The following TTC13 variants were observed in gnomAD, a reference collection of about 807,000 sequenced individuals.
TTC13 encodes the protein tetratricopeptide repeat protein 13.
TTC13 carries 62 observed loss-of-function variants against 120.0 expected under a neutral mutation model. The observed-to-expected ratio is 0.52, with a 90% CI of 0.42 to 0.64. The LOEUF (loss-of-function observed/expected upper bound fraction) is 0.64. Ranked by LOEUF, TTC13 falls within the 30% of genes least tolerant of loss-of-function variation. The pLI is 0.00. For synonymous variants in TTC13, 384 were observed against 393.5 expected (o/e 0.98, Z 0.28); for missense variants, 824 against 1,050.2 (o/e 0.78, Z 2.98).
chr1:230,944,120 A>G lies in TTC13; in HGVS notation c.580-222T>C, dbSNP rs139429971. Among the ~76,000 whole-genome samples the G allele has an allele frequency of 3.8e-4, 58 of 152,336 alleles. No individual in the cohort carries two copies. The highest frequency in any genetic ancestry group is 1.3e-3 in the African/African-American group (55 of 41,574). ...TACTTACTCAACAATAACATGTTAG[A>G]CCCGGCTACCTATCACAAATTCCAC... On this transcript the variant is annotated intron_variant, in intron 5 of 22. Transcript: ENST00000366661. The surrounding 1 kb of genome is among the most constrained non-coding windows in gnomAD (Gnocchi z 4.0).
intron 1 of TTC13, among the ~76,000 whole-genome samples, chr1:230,969,618 TAATTA>T (rs1677516759): frequency 6.6e-6 from 1 of 152,170 alleles, no homozygotes; most frequent in Admixed American, 6.5e-5. Flanking sequence ...ACTTCAAACT[TAATTA>T]ATTAGTTTGA....
At chr1:230,971,361 A>AG (rs1305755374) in intron 1 of TTC13, among the ~76,000 whole-genome samples, 2 of 151,132 alleles carry the variant, frequency 1.3e-5, no homozygotes, top group African/African-American at 4.9e-5. Context: ...AAAAAAAAAA[A>AG]AAAAAGACAA....
chr1:230,937,485 T>C (rs1172121985), intron 8 of TTC13, among the ~76,000 whole-genome samples: 3 of 152,198 alleles, frequency 2.0e-5, no homozygotes, highest in Non-Finnish European at 2.9e-5. Context: ...AGAGGGCAGA[T>C]ACAAAATAAA....
In TTC13 at chr1:230,906,525, TATCCAGA is replaced by T. The variant is rs1241719336; in HGVS notation, c.*373_*379del. 2.0e-3 allele frequency: 302 copies of T among 153,318 alleles called. 3 individuals are homozygous for T. The highest frequency in any genetic ancestry group is 6.8e-3 in the African/African-American group (284 of 41,596). The allele number at this position is 153,318 out of a possible 1,614,324, so 9.5% of individuals were successfully genotyped here. A position where few individuals can be genotyped will look rare whatever the true frequency, so the allele number is the denominator to read the frequency against. On this transcript the variant is annotated 3_prime_UTR_variant, in exon 23 of 23. Transcript: ENST00000366661. ...GCGTAAAAAGCAAGTCTTTGAAAAATATCCAGATCTCTAAAGGAATACAAACACTCCT... is the reference window on the plus strand; with the variant it reads ...GCGTAAAAAGCAAGTCTTTGAAAAATTCTCTAAAGGAATACAAACACTCCT...
chr1:230,948,808 A>G (rs1675257497), intron 4 of TTC13, among the ~76,000 whole-genome samples: 1 of 152,008 alleles, frequency 6.6e-6, no homozygotes, highest in Admixed American at 6.6e-5. Flanking sequence ...TACCCTAGAA[A>G]TCAGAATCAT....
intron 3 of TTC13, among the ~76,000 whole-genome samples, chr1:230,955,579 G>C (rs1254249323): frequency 1.3e-5 from 2 of 149,854 alleles, no homozygotes; most frequent in East Asian, 2.0e-4. Flanking sequence ...GCTGAGGCAG[G>C]AGAATGGCAT....
intron 4 of TTC13, among the ~76,000 whole-genome samples, chr1:230,947,848 G>C (rs530390964): frequency 6.6e-6 from 1 of 152,110 alleles, no homozygotes; most frequent in African/African-American, 2.4e-5. Context: ...TGGCATCCCC[G>C]CACACCCGTG....
rs1673304084 is a variant in TTC13 at position 230,929,109 on chromosome 1, G to T, written c.1301-16C>A. 5.0e-6 allele frequency: 8 copies of T among 1,612,220 alleles called. No individual in the cohort carries two copies. In the South Asian group the frequency reaches 8.8e-5, roughly 18 times the overall value. On this transcript the variant is annotated splice_polypyrimidine_tract_variant and intron_variant, in intron 11 of 22. Coordinates refer to ENST00000366661, the MANE Select transcript of TTC13 (RefSeq NM_024525.5). ...CGAGAATACTCTGCAGAAAGGAAAT[G>T]AGATCTGACACATCCAAATACTGCT...
intron 14 of TTC13, 53 bp downstream of exon 14, chr1:230,924,788 G>T: frequency 6.2e-7 from 1 of 1,604,928 alleles, no homozygotes; most frequent in Non-Finnish European, 8.5e-7. Context: ...ACAGACTGAC[G>T]TTATTTGACA....
At chr1:230,945,358 G>A (rs368938634) in intron 5 of TTC13, 31 bp downstream of exon 5, 188 of 1,597,358 alleles carry the variant, frequency 1.2e-4, no homozygotes, top group Non-Finnish European at 1.5e-4. Context: ...TCATGTAGGC[G>A]CTATGGCAAT....
At chr1:230,956,440 A>C in intron 3 of TTC13, 1 of 221,776 alleles carries the variant, frequency 4.5e-6, no homozygotes, top group East Asian at 1.4e-4. Context: ...GATCGTGGGG[A>C]CCTCAGTCAC....
intron 14 of TTC13, among the ~76,000 whole-genome samples, chr1:230,924,276 G>C (rs1376394192): frequency 6.6e-6 from 1 of 152,234 alleles, no homozygotes; most frequent in East Asian, 1.9e-4. Context: ...CTTTCAAAGA[G>C]ACTGTTTCTA....
At chr1:230,973,227 A>T (rs1677940545) in intron 1 of TTC13, among the ~76,000 whole-genome samples, 1 of 152,178 alleles carries the variant, frequency 6.6e-6, no homozygotes, top group Non-Finnish European at 1.5e-5. Context: ...CCTTCTATTG[A>T]TTCTCTACCA....
At chr1:230,959,661 G>A (rs111853669) in intron 2 of TTC13, among the ~76,000 whole-genome samples, 6,536 of 152,290 alleles carry the variant, frequency 0.043, 195 homozygotes, top group Non-Finnish European at 0.065. Context: ...GATTACAGGC[G>A]TGAGCCACTG....
At chr1:230,909,486 T>G (rs1671271563) in intron 20 of TTC13, among the ~76,000 whole-genome samples, 1 of 152,098 alleles carries the variant, frequency 6.6e-6, no homozygotes, top group Non-Finnish European at 1.5e-5. Context: ...CAAAAAATTA[T>G]CCAGGAGTGG....
At chr1:230,926,793 G>A (rs1017566425) in intron 12 of TTC13, among the ~76,000 whole-genome samples, 14 of 152,104 alleles carry the variant, frequency 9.2e-5, no homozygotes, top group East Asian at 3.9e-4. Context: ...TAGAAAACAC[G>A]AAGTCAAATT....
chr1:230,947,642 T>C (rs1443498452), intron 4 of TTC13, among the ~76,000 whole-genome samples: 1 of 152,158 alleles, frequency 6.6e-6, no homozygotes, highest in African/African-American at 2.4e-5. Context: ...CTGGGCTGCA[T>C]GTGGCCCATG....
chr1:230,964,347 G>A (rs1340126610), intron 1 of TTC13, among the ~76,000 whole-genome samples: 1 of 152,046 alleles, frequency 6.6e-6, no homozygotes, highest in Non-Finnish European at 1.5e-5. Context: ...CATATATATT[G>A]CCCCAATTTC....
At chr1:230,962,772 T>C (rs1158393931) in intron 1 of TTC13, among the ~76,000 whole-genome samples, 16 of 152,188 alleles carry the variant, frequency 1.1e-4, no homozygotes, top group Admixed American at 3.3e-4. Context: ...AATGAACTAC[T>C]GATACACACT....
Sources: allele counts gnomAD v4.1 joint callset (sites outside exome capture counted in the v4.1 genomes callset), GRCh38; gene constraint gnomAD v4.1.1; non-coding constraint Gnocchi (gnomAD v3.1); transcripts MANE v1.5; gene names NCBI Gene and HGNC (gene_info 2026-07-23, HGNC 2026-07-21).